EEF1E1: variants seen among roughly 807,000 people sequenced by gnomAD.
The protein encoded by EEF1E1 is eukaryotic translation elongation factor 1 epsilon-1.
In EEF1E1, 19 loss-of-function variants were observed where a neutral mutation model predicts 19.9. The ratio of observed to expected loss-of-function variants is 0.95; its 90% CI spans 0.66 to 1.40. The LOEUF (loss-of-function observed/expected upper bound fraction) is 1.40. EEF1E1 is among the 40% of genes most tolerant of loss of function. The pLI is 0.00. For missense variants in EEF1E1, 198 were observed against 202.2 expected (o/e 0.98, Z 0.13); for synonymous variants, 81 against 80.0 (o/e 1.01, Z -0.07).
Position 8,102,425 on chromosome 6 carries a change from T to A in EEF1E1, c.87+10A>T. ...CACCTCTTCCCCTCCGCGCCGCCTC[T>A]CCTTCTCACCTGTCGCTCGCCCTGA... On this transcript the variant is annotated intron_variant, in intron 1 of 3. Coordinates refer to ENST00000379715, the MANE Select transcript of EEF1E1 (RefSeq NM_004280.5). 6.2e-7 allele frequency: 1 copy of A among 1,608,598 alleles called. No homozygotes were observed.
At position 8,092,868 on chromosome 6, in the gene EEF1E1, G is replaced by GTTTTTTTTTTTTTTTTTTTTTT. The variant is rs1554099258; in HGVS notation, c.289-2588_289-2587insAAAAAAAAAAAAAAAAAAAAAA. Among the ~76,000 whole-genome samples the GTTTTTTTTTTTTTTTTTTTTTT allele has an allele frequency of 4.6e-5, 5 of 108,200 alleles. 1 individual carries two copies. Among genetic ancestry groups the GTTTTTTTTTTTTTTTTTTTTTT allele is most frequent in the African/African-American group, 1.9e-4 (5 of 26,712 alleles). The allele number at this position is 108,200 out of a possible 152,430, so 71.0% of individuals were successfully genotyped here. On this transcript the variant is annotated intron_variant, in intron 2 of 3. Transcript: ENST00000379715. Reference sequence around the variant, plus strand: ...GTTTTGTGTTTTAGTGATAAAGACTGCTTTTTTTTTTTTTTTTTTTTTTTG... The same window carrying GTTTTTTTTTTTTTTTTTTTTTT: ...GTTTTGTGTTTTAGTGATAAAGACTGTTTTTTTTTTTTTTTTTTTTTTCTTTTTTTTTTTTTTTTTTTTTTTG...
chr6:8,073,990 G>A (rs1173357749), intron 3 of EEF1E1, among the ~76,000 whole-genome samples: 1 of 152,174 alleles, frequency 6.6e-6, no homozygotes, highest in Non-Finnish European at 1.5e-5. Flanking sequence ...GGCCAAAATT[G>A]TAAATCAATA....
At chr6:8,097,125 G>A in intron 2 of EEF1E1, 142 bp downstream of exon 2, 2 of 808,578 alleles carry the variant, frequency 2.5e-6, no homozygotes, top group Admixed American at 4.6e-5. Flanking sequence ...TCTGTTCCAG[G>A]CAGAGGGAAT....
In EEF1E1 at chr6:8,091,772, T is replaced by C. The variant is rs1447757532; in HGVS notation, c.289-1491A>G. On this transcript the variant is annotated intron_variant, in intron 2 of 3. Transcript: ENST00000379715. Reference sequence around the variant, plus strand: ...ATATGAACTATTATTAAATATTCTTTGAGGCTCCTCTAAGGACTAGATATA... The same window carrying C: ...ATATGAACTATTATTAAATATTCTTCGAGGCTCCTCTAAGGACTAGATATA... Among the ~76,000 whole-genome samples, 3 of 152,216 alleles carry C rather than the reference T, an allele frequency of 2.0e-5. No individual in the cohort carries two copies. In the East Asian group the frequency reaches 5.8e-4, roughly 29 times the overall value.
At chr6:8,099,873 T>G (rs1758296554) in intron 1 of EEF1E1, among the ~76,000 whole-genome samples, 1 of 152,058 alleles carries the variant, frequency 6.6e-6, no homozygotes, top group Admixed American at 6.5e-5. Context: ...ATCCTTGTCT[T>G]TAAATAACAC....
chr6:8,097,542 G>A (rs915064538), intron 1 of EEF1E1, 75 bp from the exon 2 acceptor site: 55 of 1,163,756 alleles, frequency 4.7e-5, no homozygotes, highest in Non-Finnish European at 5.8e-5. Flanking sequence ...AAGTAACCAC[G>A]AAATCCCTCA....
At chr6:8,076,953 T>C (rs6909962), downstream of EEF1E1, among the ~76,000 whole-genome samples, 3 of 146,056 alleles carry the variant, frequency 2.1e-5, no homozygotes, top group Non-Finnish European at 1.5e-5. Context: ...TTTTGTTTTT[T>C]TTTTTTTGAG....
chr6:8,076,473 A>G (rs560079323), downstream of EEF1E1, among the ~76,000 whole-genome samples: 19 of 151,548 alleles, frequency 1.3e-4, no homozygotes, highest in Middle Eastern at 3.4e-3. Context: ...ACAGGCGCCC[A>G]CCACCACGCC....
exon 4 of EEF1E1, chr6:8,073,434 AATCTCAGTTCCTTG>A (rs1757527458): frequency 3.9e-6 from 6 of 1,550,718 alleles, no homozygotes; most frequent in South Asian, 1.2e-5. Flanking sequence ...TTTGTGTTTG[AATCTCAGTTCCTTG>A]ATCTCAGTTC....
intron 2 of EEF1E1, among the ~76,000 whole-genome samples, chr6:8,091,531 T>C (rs1299748113): frequency 6.6e-6 from 1 of 152,244 alleles, no homozygotes; most frequent in African/African-American, 2.4e-5. Flanking sequence ...CAGAAATGTT[T>C]AATTTTGACA....
chr6:8,079,430 A>G lies in EEF1E1; in HGVS notation c.*460T>C. ...ACCACATTTACTAGCTCACATAAAT[A>G]TTTTAAAACAAATCCATCTGTCTTC... On this transcript the variant is annotated 3_prime_UTR_variant, in exon 4 of 4. Transcript: ENST00000379715. 1.0e-6 allele frequency: 1 copy of G among 989,782 alleles called. No individual in the cohort carries two copies. The highest frequency in any genetic ancestry group is 1.2e-6 in the Non-Finnish European group (1 of 832,150). 61.3% of individuals were successfully genotyped at this position (989,782 alleles called of 1,614,324 possible).
At chr6:8,086,593 C>G (rs76638080) in intron 3 of EEF1E1, among the ~76,000 whole-genome samples, 1 of 152,164 alleles carries the variant, frequency 6.6e-6, no homozygotes, top group African/African-American at 2.4e-5. Flanking sequence ...TAAGACACTT[C>G]AGTCAGAAGA....
intron 1 of EEF1E1, among the ~76,000 whole-genome samples, chr6:8,100,413 G>C (rs897986381): frequency 6.6e-6 from 1 of 152,152 alleles, no homozygotes; most frequent in African/African-American, 2.4e-5. Context: ...CCTAATTAGG[G>C]AAAAGAAGTC....
At chr6:8,088,683 T>C (rs1459717937) in intron 3 of EEF1E1, among the ~76,000 whole-genome samples, 2 of 152,208 alleles carry the variant, frequency 1.3e-5, no homozygotes, top group African/African-American at 2.4e-5. Flanking sequence ...GTCTCAAGTA[T>C]GTCTTTATCA....
chr6:8,084,782 T>C (rs959417560), intron 3 of EEF1E1, among the ~76,000 whole-genome samples: 4 of 152,216 alleles, frequency 2.6e-5, no homozygotes, highest in South Asian at 2.1e-4. Flanking sequence ...TGGAGCCCTG[T>C]TGGGTAGCCA....
intron 1 of EEF1E1, among the ~76,000 whole-genome samples, chr6:8,099,778 AC>A (rs869139798): frequency 0.014 from 1,743 of 127,244 alleles, 41 homozygotes; most frequent in African/African-American, 0.022. Context: ...ACACACACAC[AC>A]ACACACACAC....
At chr6:8,085,689 C>G (rs149803264) in intron 3 of EEF1E1, among the ~76,000 whole-genome samples, 1 of 152,282 alleles carries the variant, frequency 6.6e-6, no homozygotes, top group African/African-American at 2.4e-5. Context: ...TGTGGTCGCC[C>G]TATTTACAAA....
intron 3 of EEF1E1, among the ~76,000 whole-genome samples, chr6:8,088,430 G>A (rs1414695649): frequency 6.6e-6 from 1 of 152,156 alleles, no homozygotes; most frequent in Non-Finnish European, 1.5e-5. Flanking sequence ...GAACCTGGTG[G>A]GAGGTAATTG....
In EEF1E1 at chr6:8,079,545, G is replaced by C. The variant is rs984006724; in HGVS notation, c.*345C>G. On this transcript the variant is annotated 3_prime_UTR_variant, in exon 4 of 4. Coordinates refer to ENST00000379715, the MANE Select transcript of EEF1E1 (RefSeq NM_004280.5). ...AAAATGAATTTTAGAATATGAAAGAGAGGTTAATAAATAGCCAAATATGTC... is the reference window on the plus strand; with the variant it reads ...AAAATGAATTTTAGAATATGAAAGACAGGTTAATAAATAGCCAAATATGTC... 1 of 1,008,480 alleles carries C rather than the reference G, an allele frequency of 9.9e-7. No individual in the cohort carries two copies. Among genetic ancestry groups the C allele is most frequent in the African/African-American group, 1.7e-5 (1 of 57,996 alleles). 62.5% of individuals were successfully genotyped at this position (1,008,480 alleles called of 1,614,324 possible).
Sources: allele counts gnomAD v4.1 joint callset (sites outside exome capture counted in the v4.1 genomes callset), GRCh38; gene constraint gnomAD v4.1.1; transcripts MANE v1.5; gene names NCBI Gene and HGNC (gene_info 2026-07-23, HGNC 2026-07-21).